Variants in ACSL5 observed in about 807,000 individuals in gnomAD.
ACSL5 encodes long-chain-fatty-acid--CoA ligase 5.
ACSL5 carries 50 observed loss-of-function variants against 84.9 expected under a neutral mutation model. The observed-to-expected ratio is 0.59, with a 90% confidence interval of 0.47 to 0.75. The LOEUF (loss-of-function observed/expected upper bound fraction) is 0.75. Ranked by LOEUF, ACSL5 falls within the 30% of genes least tolerant of loss-of-function variation. The pLI is 0.00. For missense variants in ACSL5, 775 were observed against 830.4 expected (o/e 0.93, Z 0.82); for synonymous variants, 280 against 300.7 (o/e 0.93, Z 0.71).
chr10:112,411,659 G>T, intron 10 of ACSL5, 130 bp downstream of exon 10: 1 of 949,364 alleles, frequency 1.1e-6, no homozygotes, highest in South Asian at 1.5e-5. Flanking sequence ...TTAAAGGCTG[G>T]AGTGTGGACA....
At chr10:112,397,410 T>A (rs988913139) in intron 2 of ACSL5, among the ~76,000 whole-genome samples, 1 of 152,108 alleles carries the variant, frequency 6.6e-6, no homozygotes, top group Non-Finnish European at 1.5e-5. Context: ...CCTCAGATGA[T>A]CCACCTGCCT....
chr10:112,408,637 C>T lies in ACSL5; in HGVS notation c.532+116C>T, dbSNP rs567137670. 164 of 737,074 alleles carry T rather than the reference C, an allele frequency of 2.2e-4. No homozygotes were observed. In the African/African-American group the frequency reaches 2.4e-3, roughly 11 times the overall value. 45.7% of individuals were successfully genotyped at this position (737,074 alleles called of 1,614,324 possible). A position where few individuals can be genotyped will look rare whatever the true frequency, so the allele number is the denominator to read the frequency against. Reference sequence around the variant, plus strand: ...TTAAGCAAACTTGAAATGCTGTGGTCGGAAAATGTTCAAGTCTTTCTAGTT... The same window carrying T: ...TTAAGCAAACTTGAAATGCTGTGGTTGGAAAATGTTCAAGTCTTTCTAGTT... On this transcript the variant is annotated intron_variant, in intron 6 of 20. Transcript: ENST00000354655.
intron 1 of ACSL5, among the ~76,000 whole-genome samples, chr10:112,391,116 T>C (rs987655051): frequency 6.6e-6 from 1 of 152,200 alleles, no homozygotes; most frequent in African/African-American, 2.4e-5. Context: ...CAATGGCTCA[T>C]GCCTGTAATC....
chr10:112,377,731 A>G (rs542034193), intron 1 of ACSL5, among the ~76,000 whole-genome samples: 1 of 152,338 alleles, frequency 6.6e-6, no homozygotes, highest in Admixed American at 6.5e-5. Flanking sequence ...GTAAAATTTT[A>G]TAGCCATCTT....
rs1844330153 is a variant in ACSL5, at chr10:112,417,004, C to T, written c.1200C>T (p.Leu400=). The change falls in exon 13 of 21, where the codon CTC becomes CTT. Residue 400 remains leucine (L), a synonymous_variant. Transcript: ENST00000354655. ...GGCATGATAGTTTCTGGGACAAGCT[C>T]ATCTTTGCAAAGATCCAGGTAGGTT... is the stretch of plus-strand genomic sequence containing the variant. The part of the protein sequence containing the change: ...IIRHDSFWDK[L]IFAKIQDSLG... 1.9e-6 allele frequency: 3 copies of T among 1,613,798 alleles called. No individual in the cohort carries two copies. Among genetic ancestry groups the T allele is most frequent in the Non-Finnish European group, 2.5e-6 (3 of 1,179,910 alleles).
intron 14 of ACSL5, 130 bp from the exon 15 acceptor site, chr10:112,421,463 T>G: frequency 1.3e-6 from 1 of 757,908 alleles, no homozygotes; most frequent in Admixed American, 2.2e-5. Context: ...CCCCTCCAAG[T>G]TCAAGGTTTT....
chr10:112,391,587 C>G (rs543758578), intron 1 of ACSL5, among the ~76,000 whole-genome samples: 1 of 152,122 alleles, frequency 6.6e-6, no homozygotes, highest in Non-Finnish European at 1.5e-5. Context: ...GTAAATATCT[C>G]CCTTGTTTGT....
intron 17 of ACSL5, chr10:112,425,080 A>G (rs959736670): frequency 3.5e-6 from 1 of 289,440 alleles, no homozygotes; most frequent in Non-Finnish European, 6.4e-6. Flanking sequence ...ATCAATTTGC[A>G]TAACTCCAGT....
chr10:112,404,461 C>G (rs1196893235), intron 3 of ACSL5, 50 bp from the exon 4 acceptor site: 1 of 1,439,042 alleles, frequency 6.9e-7, no homozygotes, highest in Admixed American at 1.7e-5. Context: ...CTTCCTTGGT[C>G]CAGAGAATTT....
chr10:112,384,400 C>A (rs778384450), intron 1 of ACSL5, among the ~76,000 whole-genome samples: 1 of 152,180 alleles, frequency 6.6e-6, no homozygotes, highest in Non-Finnish European at 1.5e-5. Flanking sequence ...ACAGCCAAGC[C>A]CTTCAATAGC....
intron 1 of ACSL5, among the ~76,000 whole-genome samples, chr10:112,390,587 C>T (rs934505925): frequency 3.3e-5 from 5 of 151,876 alleles, no homozygotes; most frequent in African/African-American, 9.7e-5. Context: ...TAGAAATGCT[C>T]GTAATAGCTT....
intron 2 of ACSL5, among the ~76,000 whole-genome samples, chr10:112,398,403 A>G (rs1395075653): frequency 1.3e-5 from 2 of 148,742 alleles, no homozygotes; most frequent in Admixed American, 6.6e-5. Context: ...ACACTTTTGT[A>G]TTTTCTTTTT....
intron 12 of ACSL5, 103 bp from the exon 13 acceptor site, chr10:112,416,785 G>C: frequency 7.6e-7 from 1 of 1,309,250 alleles, no homozygotes; most frequent in Non-Finnish European, 1.1e-6. Flanking sequence ...GAGACTGTGA[G>C]ACCACTTCCT....
intron 1 of ACSL5, 53 bp from the exon 2 acceptor site, chr10:112,394,865 A>G: frequency 6.3e-7 from 1 of 1,596,654 alleles, no homozygotes; most frequent in Admixed American, 1.7e-5. Context: ...GCTATTGAGT[A>G]CAAAAATATG....
intron 13 of ACSL5, among the ~76,000 whole-genome samples, 156 bp downstream of exon 13, chr10:112,417,178 T>C (rs1452252125): frequency 7.2e-6 from 1 of 139,562 alleles, no homozygotes; most frequent in Non-Finnish European, 1.5e-5. Context: ...CTTGTACCAC[T>C]TTACTACTAA....
intron 9 of ACSL5, among the ~76,000 whole-genome samples, chr10:112,411,079 C>T (rs1174638655): frequency 2.6e-5 from 4 of 152,078 alleles, no homozygotes; most frequent in Non-Finnish European, 5.9e-5. Flanking sequence ...TTCTAGTATG[C>T]CCAGTTTATA....
chr10:112,379,668 G>A (rs1239900075), intron 1 of ACSL5, among the ~76,000 whole-genome samples: 1 of 152,172 alleles, frequency 6.6e-6, no homozygotes, highest in African/African-American at 2.4e-5. Context: ...ATTTTCACCT[G>A]CTCCTTCTGT....
intron 1 of ACSL5, among the ~76,000 whole-genome samples, chr10:112,387,455 G>A (rs544222099): frequency 2.0e-5 from 3 of 152,222 alleles, no homozygotes; most frequent in East Asian, 3.9e-4. Context: ...CATTACTTTT[G>A]GGTTTGTCTA....
At chr10:112,394,823 T>C (rs1843710534) in intron 1 of ACSL5, 95 bp from the exon 2 acceptor site, 2 of 1,179,696 alleles carry the variant, frequency 1.7e-6, no homozygotes, top group Middle Eastern at 2.4e-4. Context: ...TGTGTGTGTA[T>C]GTGTGTGTGT....
Sources: allele counts gnomAD v4.1 joint callset (sites outside exome capture counted in the v4.1 genomes callset), GRCh38; gene constraint gnomAD v4.1.1; transcripts MANE v1.5; gene names NCBI Gene and HGNC (gene_info 2026-07-23, HGNC 2026-07-21).